TTC6: variants seen among roughly 807,000 people sequenced by gnomAD.
TTC6 encodes tetratricopeptide repeat protein 6.
Under a neutral mutation model 210.4 loss-of-function variants are expected in TTC6, and 172 were observed. That is an observed-to-expected ratio of 0.82 (90% CI 0.72 to 0.93). The LOEUF (loss-of-function observed/expected upper bound fraction) is 0.93. Ranked by LOEUF, TTC6 falls within the 40% of genes least tolerant of loss-of-function variation. The probability of loss-of-function intolerance (pLI) is 0.00; values close to 1 mark genes in which losing one functional copy is unlikely to be tolerated. For synonymous variants in TTC6, 804 were observed against 819.6 expected, an observed-to-expected ratio of 0.98 and a Z score of 0.32; for missense variants, 2,414 against 2,318.1, an observed-to-expected ratio of 1.04 and a Z score of -0.85.
At chr14:37,838,334 T>C (rs770215936) in intron 29 of TTC6, among the ~76,000 whole-genome samples, 8 of 152,180 alleles carry the variant, frequency 5.3e-5, no homozygotes, top group Non-Finnish European at 7.3e-5. Flanking sequence ...TGCTGGGATG[T>C]CATAGCCATG....
chr14:37,639,656 A>G (rs1386602653), intron 1 of TTC6, among the ~76,000 whole-genome samples: 1 of 149,570 alleles, frequency 6.7e-6, no homozygotes. Flanking sequence ...GGATCACTGG[A>G]GCTCAGGAAT....
chr14:37,822,594 C>A (rs569513814), intron 26 of TTC6, among the ~76,000 whole-genome samples: 9 of 152,248 alleles, frequency 5.9e-5, no homozygotes, highest in Non-Finnish European at 2.9e-5. Flanking sequence ...CTCATAACAA[C>A]CTTGAAAAAT....
At chr14:37,631,520 C>T (rs1293487210) in intron 1 of TTC6, among the ~76,000 whole-genome samples, 2 of 152,154 alleles carry the variant, frequency 1.3e-5, no homozygotes, top group African/African-American at 2.4e-5. Context: ...GGTAACCCAA[C>T]CTTTCTGTCT....
chr14:37,644,637 C>T (rs1360089420), intron 1 of TTC6, among the ~76,000 whole-genome samples: 1 of 152,166 alleles, frequency 6.6e-6, no homozygotes, highest in Non-Finnish European at 1.5e-5. Flanking sequence ...GTCTCTATGG[C>T]GATACACCTT....
chr14:37,622,840 C>T (rs2095654032), exon 1 of TTC6: 1 of 1,534,086 alleles, frequency 6.5e-7, no homozygotes, highest in Non-Finnish European at 8.7e-7. Context: ...CCCAGCGACG[C>T]GCGGGAGGCC....
intron 14 of TTC6, among the ~76,000 whole-genome samples, chr14:37,760,761 C>T (rs528945655): frequency 9.8e-5 from 15 of 152,306 alleles, no homozygotes; most frequent in East Asian, 7.7e-4. Flanking sequence ...GCCGCTTTGC[C>T]GCACTGTGGT....
intron 10 of TTC6, among the ~76,000 whole-genome samples, chr14:37,745,816 C>T (rs561506195): frequency 2.6e-5 from 4 of 152,250 alleles, no homozygotes; most frequent in African/African-American, 9.6e-5. Flanking sequence ...CTGTGTATAC[C>T]TAAGCCACAT....
intron 1 of TTC6, among the ~76,000 whole-genome samples, chr14:37,674,772 G>A (rs2095765282): frequency 6.6e-6 from 1 of 152,064 alleles, no homozygotes; most frequent in African/African-American, 2.4e-5. Flanking sequence ...ACTCTCACCT[G>A]TTACCTCTAC....
exon 10 of TTC6, chr14:37,738,932 C>T: frequency 2.0e-6 from 3 of 1,535,294 alleles, no homozygotes; most frequent in Non-Finnish European, 2.6e-6. Context: ...AACTGAGGAG[C>T]CCAACTATGT....
intron 1 of TTC6, among the ~76,000 whole-genome samples, chr14:37,661,978 T>C (rs2095738409): frequency 1.3e-5 from 2 of 152,304 alleles, no homozygotes; most frequent in East Asian, 1.9e-4. Context: ...TGTGTGTTGT[T>C]GGTGTACAGG....
At chr14:37,732,278 T>G (rs8003371) in intron 7 of TTC6, among the ~76,000 whole-genome samples, 98,146 of 147,372 alleles carry the variant, frequency 0.67, 33,044 homozygotes, top group African/African-American at 0.77. Context: ...TGCCTCCTGG[T>G]TTCACGCCAT....
rs575631385 is a variant in TTC6 at position 37,706,757 on chromosome 14, A to G, written c.1571+5231A>G. On this transcript the variant is annotated intron_variant, in intron 5 of 30. Transcript: ENST00000553443. ...TGTGATCCTTTTGTTTTCATTGTAC[A>G]CTTAACCCATAAAAGTGAAAACCAC... Among the ~76,000 whole-genome samples, 3 of 152,182 alleles carry G rather than the reference A, an allele frequency of 2.0e-5. No homozygotes were observed. In the South Asian group the frequency reaches 6.2e-4, roughly 32 times the overall value.
chr14:37,792,693 A>T (rs1443013973), intron 17 of TTC6, among the ~76,000 whole-genome samples: 1 of 151,774 alleles, frequency 6.6e-6, no homozygotes, highest in Non-Finnish European at 1.5e-5. Flanking sequence ...TATGCATGCG[A>T]TAGGAATAAA....
intron 10 of TTC6, 111 bp downstream of exon 12, chr14:37,739,266 A>AC (rs34245347): frequency 0.037 from 40,760 of 1,104,842 alleles, 955 homozygotes; most frequent in Non-Finnish European, 0.042. Flanking sequence ...GAACATATGA[A>AC]CCTTTCACTC....
At chr14:37,604,325 G>T (rs991125433) in intron 1 of TTC6, among the ~76,000 whole-genome samples, 1 of 152,218 alleles carries the variant, frequency 6.6e-6, no homozygotes, top group Non-Finnish European at 1.5e-5. Context: ...TCCAGAGACT[G>T]CATCAAGTTC....
At chr14:37,784,356 A>G (rs949286801) in intron 14 of TTC6, among the ~76,000 whole-genome samples, 6 of 152,124 alleles carry the variant, frequency 3.9e-5, no homozygotes, top group African/African-American at 1.2e-4. Flanking sequence ...TGTTGAATTG[A>G]TCCGTTTACC....
At chr14:37,699,813 A>G (rs2095821458) in intron 4 of TTC6, among the ~76,000 whole-genome samples, 1 of 152,152 alleles carries the variant, frequency 6.6e-6, no homozygotes, top group South Asian at 2.1e-4. Context: ...TAGTTGAGGT[A>G]GTGATATTAG....
chr14:37,812,428 C>T, exon 25 of TTC6: 4 of 1,601,754 alleles, frequency 2.5e-6, no homozygotes, highest in Non-Finnish European at 2.6e-6. Context: ...TGGCTTTGCA[C>T]TAGAGGTAAG....
chr14:37,716,199 A>T (rs2138771233), intron 6 of TTC6, among the ~76,000 whole-genome samples: 1 of 152,218 alleles, frequency 6.6e-6, no homozygotes, highest in African/African-American at 2.4e-5. Context: ...CTATACAAAG[A>T]GATATACTAA....
Sources: allele counts gnomAD v4.1 joint callset (sites outside exome capture counted in the v4.1 genomes callset), GRCh38; gene constraint gnomAD v4.1.1; transcripts MANE v1.5; gene names NCBI Gene and HGNC (gene_info 2026-07-23, HGNC 2026-07-21).